Variants in CNTN4 observed in about 807,000 individuals in gnomAD.
CNTN4 encodes contactin-4.
CNTN4 carries 77 observed loss-of-function variants against 122.5 expected under a neutral mutation model. The observed-to-expected ratio is 0.63, with a 90% confidence interval of 0.52 to 0.76. The LOEUF (loss-of-function observed/expected upper bound fraction) is 0.76, where lower values mean the gene tolerates loss of function less well. Ranked by LOEUF, CNTN4 falls within the 30% of genes least tolerant of loss-of-function variation. The probability of loss-of-function intolerance (pLI) is 0.00; values close to 1 mark genes in which losing one functional copy is unlikely to be tolerated. For missense variants in CNTN4, 1,256 were observed against 1,259.1 expected (o/e 1.00, Z 0.04); for synonymous variants, 512 against 447.0 (o/e 1.15, Z -1.83).
chr3:2,541,939 G>A (rs1436862407), intron 3 of CNTN4, among the ~76,000 whole-genome samples: 2 of 152,046 alleles, frequency 1.3e-5, no homozygotes, highest in Non-Finnish European at 1.5e-5. Flanking sequence ...AAACTAAAAG[G>A]CACTGCACAG....
chr3:2,304,877 A>C (rs1230725673), intron 2 of CNTN4, among the ~76,000 whole-genome samples: 1 of 151,666 alleles, frequency 6.6e-6, no homozygotes, highest in East Asian at 2.0e-4. Context: ...TTTTGAAAAC[A>C]TCAAATGTGT....
intron 4 of CNTN4, among the ~76,000 whole-genome samples, chr3:2,715,618 G>A (rs1388208063): frequency 1.3e-5 from 2 of 152,122 alleles, no homozygotes; most frequent in Non-Finnish European, 2.9e-5. Context: ...TGGGTAGTTC[G>A]AACTATAGAA....
chr3:2,496,472 AT>A (rs1325028558), intron 3 of CNTN4, among the ~76,000 whole-genome samples: 7 of 152,160 alleles, frequency 4.6e-5, no homozygotes, highest in Non-Finnish European at 1.0e-4. Flanking sequence ...GAAGTGAAAA[AT>A]ATGACATAGA....
intron 7 of CNTN4, among the ~76,000 whole-genome samples, chr3:2,863,394 G>T (rs1157806198): frequency 1.4e-5 from 2 of 147,070 alleles, no homozygotes; most frequent in African/African-American, 5.1e-5. Flanking sequence ...TGTTGGTTAG[G>T]TTCCTTAGCA....
rs1468231039 is a variant in CNTN4, at chr3:2,657,166, A to ATT, written c.56-79049_56-79048insTT. Among the ~76,000 whole-genome samples the ATT allele has an allele frequency of 7.9e-5, 12 of 152,342 alleles. No individual in the cohort carries two copies. In the East Asian group the frequency reaches 1.7e-3, roughly 22 times the overall value. ...GGACAAGCATATTTTTCCAATTCTA[A>ATT]GGGTAGAAAGTGTCTTTGTAAACAT... On this transcript the variant is annotated intron_variant, in intron 4 of 24. Transcript: ENST00000418658.
chr3:2,268,898 C>T (rs1408850968), intron 2 of CNTN4, among the ~76,000 whole-genome samples: 2 of 152,028 alleles, frequency 1.3e-5, no homozygotes, highest in African/African-American at 4.8e-5. Context: ...GTAGTTTCTC[C>T]TCCTTTTTAT....
At chr3:2,828,311 G>C (rs530739291) in intron 7 of CNTN4, among the ~76,000 whole-genome samples, 2 of 152,128 alleles carry the variant, frequency 1.3e-5, no homozygotes, top group African/African-American at 4.8e-5. Context: ...ACTTCCCTGA[G>C]AGATGCCTTA....
chr3:2,630,831 A>G (rs1388044570), intron 4 of CNTN4, among the ~76,000 whole-genome samples: 1 of 152,188 alleles, frequency 6.6e-6, no homozygotes, highest in Non-Finnish European at 1.5e-5. Flanking sequence ...TATTCATAAT[A>G]CAGAAGTCTT....
At chr3:2,274,826 A>G (rs1169740622) in intron 2 of CNTN4, among the ~76,000 whole-genome samples, 1 of 152,122 alleles carries the variant, frequency 6.6e-6, no homozygotes, top group Non-Finnish European at 1.5e-5. Context: ...TCCACAACCC[A>G]TGTCCCTGTG....
At chr3:2,247,233 C>G (rs895413282) in intron 2 of CNTN4, among the ~76,000 whole-genome samples, 2 of 151,948 alleles carry the variant, frequency 1.3e-5, no homozygotes, top group African/African-American at 4.8e-5. Flanking sequence ...ACCAGCTCTG[C>G]TAGAGTGTTG....
chr3:2,153,721 A>C (rs2035593717), intron 2 of CNTN4, among the ~76,000 whole-genome samples: 1 of 152,134 alleles, frequency 6.6e-6, no homozygotes, highest in Non-Finnish European at 1.5e-5. Context: ...TATTGCTCTG[A>C]CTGCTGTATA....
intron 3 of CNTN4, among the ~76,000 whole-genome samples, chr3:2,365,625 G>C (rs1426001256): frequency 2.0e-5 from 3 of 152,184 alleles, no homozygotes; most frequent in African/African-American, 7.2e-5. Context: ...TCTTGCCAAA[G>C]TGAGGCTGAG....
chr3:2,903,816 T>C (rs977229339), intron 12 of CNTN4, among the ~76,000 whole-genome samples: 2 of 152,222 alleles, frequency 1.3e-5, no homozygotes, highest in African/African-American at 4.8e-5. Flanking sequence ...AGGATCATAA[T>C]TGGTTCAATT....
At chr3:3,034,487 TAGG>T in intron 16 of CNTN4, 142 bp from the exon 17 acceptor site, 1 of 862,014 alleles carries the variant, frequency 1.2e-6, no homozygotes, top group Non-Finnish European at 1.9e-6. Flanking sequence ...AAGCACGTAG[TAGG>T]AGTTCAAAAA....
At chr3:2,293,823 A>G (rs1287486798) in intron 2 of CNTN4, among the ~76,000 whole-genome samples, 3 of 152,110 alleles carry the variant, frequency 2.0e-5, no homozygotes, top group African/African-American at 7.2e-5. Flanking sequence ...AAGTGTAGGC[A>G]GTTCTCTTGG....
intron 14 of CNTN4, among the ~76,000 whole-genome samples, chr3:3,014,879 G>GTTTTTTTTTTTTTTTTTTTTTT (rs5846238): frequency 8.2e-6 from 1 of 121,544 alleles, no homozygotes. Context: ...CCCTCGATTG[G>GTTTTTTTTTTTTTTTTTTTTTT]TTTTTTTTTT....
chr3:3,037,003 T>C (rs930121496), intron 17 of CNTN4, among the ~76,000 whole-genome samples, 176 bp from the exon 18 acceptor site: 6 of 152,150 alleles, frequency 3.9e-5, no homozygotes, highest in African/African-American at 1.4e-4. Flanking sequence ...CATACAGAGA[T>C]AGTTCTGAGA....
chr3:2,781,438 G>GAA (rs143058328), intron 6 of CNTN4, among the ~76,000 whole-genome samples: 21,174 of 149,004 alleles, frequency 0.14, 1,607 homozygotes, highest in African/African-American at 0.21. Flanking sequence ...CAATGTCAAC[G>GAA]AAGAGTCAAA....
chr3:2,534,996 C>T (rs1430853551), intron 3 of CNTN4, among the ~76,000 whole-genome samples: 1 of 152,084 alleles, frequency 6.6e-6, no homozygotes, highest in African/African-American at 2.4e-5. Flanking sequence ...AGGTCAAAGC[C>T]TTGCTTCAGC....
Sources: allele counts gnomAD v4.1 joint callset (sites outside exome capture counted in the v4.1 genomes callset), GRCh38; gene constraint gnomAD v4.1.1; transcripts MANE v1.5; gene names NCBI Gene and HGNC (gene_info 2026-07-23, HGNC 2026-07-21).